CHRM3: variants seen among roughly 807,000 people sequenced by gnomAD.
The protein encoded by CHRM3 is cholinergic receptor muscarinic 3, also known as muscarinic acetylcholine receptor M3.
CHRM3 carries 11 observed loss-of-function variants against 41.8 expected under a neutral mutation model. The observed-to-expected ratio is 0.26, with a 90% CI of 0.17 to 0.44. The LOEUF is 0.44. Ranked by LOEUF, CHRM3 falls within the 20% of genes least tolerant of loss-of-function variation. The pLI is 1.00. For synonymous variants in CHRM3, 297 were observed against 301.4 expected, an observed-to-expected ratio of 0.99 and a Z score of 0.15; for missense variants, 571 against 745.4, an observed-to-expected ratio of 0.77 and a Z score of 2.72.
intron 2 of CHRM3, among the ~76,000 whole-genome samples, chr1:239,530,344 T>C (rs2148324719): frequency 6.6e-6 from 1 of 152,304 alleles, no homozygotes; most frequent in South Asian, 2.1e-4. Flanking sequence ...GAAACTAATA[T>C]GATATATTTT....
At chr1:239,803,937 A>C (rs921822133) in intron 5 of CHRM3, among the ~76,000 whole-genome samples, 4 of 152,218 alleles carry the variant, frequency 2.6e-5, no homozygotes, top group Non-Finnish European at 5.9e-5. Flanking sequence ...AGCCCTGGGT[A>C]TGAGAGCAGA....
intron 5 of CHRM3, among the ~76,000 whole-genome samples, chr1:239,694,541 G>C (rs2148020107): frequency 6.6e-6 from 1 of 152,308 alleles, no homozygotes; most frequent in South Asian, 2.1e-4. Context: ...CTTGCATCAT[G>C]GTGAATTAAT....
intron 1 of CHRM3, among the ~76,000 whole-genome samples, chr1:239,464,407 A>G (rs538900053): frequency 6.6e-6 from 1 of 151,096 alleles, no homozygotes; most frequent in Non-Finnish European, 1.5e-5. Context: ...TGGCTTTTCT[A>G]CCTCCTATGG....
intron 3 of CHRM3, among the ~76,000 whole-genome samples, chr1:239,579,165 C>T (rs1461663624): frequency 6.6e-6 from 1 of 152,088 alleles, no homozygotes; most frequent in Admixed American, 6.6e-5. Flanking sequence ...TTGTTAAATG[C>T]CTTCTTTGCC....
At chr1:239,504,854 C>G (rs1274923849) in intron 2 of CHRM3, among the ~76,000 whole-genome samples, 33 of 151,526 alleles carry the variant, frequency 2.2e-4, no homozygotes, top group Admixed American at 2.2e-3. Context: ...TATGTAGGAG[C>G]TAAGCTATGA....
chr1:239,867,103 T>A (rs1459630870), intron 6 of CHRM3, among the ~76,000 whole-genome samples: 2 of 152,206 alleles, frequency 1.3e-5, no homozygotes, highest in African/African-American at 4.8e-5. Context: ...ACAGCCATCT[T>A]CTTTAGGCCA....
At chr1:239,796,283 G>A (rs539714590) in intron 5 of CHRM3, among the ~76,000 whole-genome samples, 1 of 152,178 alleles carries the variant, frequency 6.6e-6, no homozygotes, top group African/African-American at 2.4e-5. Context: ...ATGATGAAGT[G>A]TAATGGAGGG....
At chr1:239,663,909 A>G (rs1343994117) in intron 4 of CHRM3, among the ~76,000 whole-genome samples, 1 of 152,192 alleles carries the variant, frequency 6.6e-6, no homozygotes, top group Non-Finnish European at 1.5e-5. Flanking sequence ...CAGTAGGATG[A>G]AATGTTGGTT....
In CHRM3 at chr1:239,402,423, G is replaced by A. The variant is rs527820408; in HGVS notation, c.-521+15196G>A. Among the ~76,000 whole-genome samples the A allele has an allele frequency of 8.4e-4, 128 of 152,244 alleles. 1 individual carries two copies. Among genetic ancestry groups the A allele is most frequent in the South Asian group, 2.5e-3 (12 of 4,820 alleles). ...ATCTCCCCCTTACAAGGCTCCAATAGCCTCTAACTTGTTCCCTGCTTTCAG... is the reference window on the plus strand; with the variant it reads ...ATCTCCCCCTTACAAGGCTCCAATAACCTCTAACTTGTTCCCTGCTTTCAG... On this transcript the variant is annotated intron_variant, in intron 1 of 6. Coordinates refer to ENST00000676153, the MANE Select transcript of CHRM3 (RefSeq NM_001375978.1).
intron 6 of CHRM3, among the ~76,000 whole-genome samples, chr1:239,869,453 A>G (rs1676391569): frequency 6.6e-6 from 1 of 152,160 alleles, no homozygotes; most frequent in South Asian, 2.1e-4. Flanking sequence ...AATTAGGTGG[A>G]CATTGAATTT....
intron 5 of CHRM3, among the ~76,000 whole-genome samples, chr1:239,730,906 A>G (rs192894481): frequency 2.1e-4 from 32 of 152,114 alleles, no homozygotes; most frequent in Non-Finnish European, 3.7e-4. Flanking sequence ...TGAACACTGT[A>G]CTAAAGCAGT....
chr1:239,561,695 A>G (rs999995441), intron 3 of CHRM3, among the ~76,000 whole-genome samples: 3 of 152,034 alleles, frequency 2.0e-5, no homozygotes, highest in Non-Finnish European at 4.4e-5. Context: ...AATAGATAAT[A>G]TTACTGATAA....
intron 5 of CHRM3, among the ~76,000 whole-genome samples, chr1:239,737,867 A>G (rs1664517225): frequency 6.6e-6 from 1 of 152,176 alleles, no homozygotes; most frequent in South Asian, 2.1e-4. Flanking sequence ...AAGCAAGCTG[A>G]TCTTTCAGAA....
chr1:239,655,442 G>A (rs1045797080), intron 4 of CHRM3, among the ~76,000 whole-genome samples: 3 of 152,156 alleles, frequency 2.0e-5, no homozygotes, highest in African/African-American at 7.2e-5. Flanking sequence ...TCAGATTTTT[G>A]CATCTGTCGA....
Position 239,913,154 on chromosome 1 carries a change from G to C in CHRM3, c.*3930G>C, listed in dbSNP as rs1224260628. 1 of 167,020 alleles carries C rather than the reference G, an allele frequency of 6.0e-6. No individual in the cohort carries two copies. Among genetic ancestry groups the C allele is most frequent in the Non-Finnish European group, 1.5e-5 (1 of 68,120 alleles). The allele number at this position is 167,020 out of a possible 1,614,324, so 10.3% of individuals were successfully genotyped here. ...TCAACACCACAAAATCTTGAAATTTGGAAGGTAACCAAGGAAGCTTTGAAA... is the reference window on the plus strand; with the variant it reads ...TCAACACCACAAAATCTTGAAATTTCGAAGGTAACCAAGGAAGCTTTGAAA... On this transcript the variant is annotated 3_prime_UTR_variant, in exon 7 of 7. Coordinates refer to ENST00000676153, the MANE Select transcript of CHRM3 (RefSeq NM_001375978.1).
intron 5 of CHRM3, among the ~76,000 whole-genome samples, chr1:239,745,744 T>C (rs906191213): frequency 3.0e-4 from 45 of 152,308 alleles, no homozygotes; most frequent in African/African-American, 1.0e-3. Flanking sequence ...TATCATATTA[T>C]GCTCTATCAA....
chr1:239,682,523 A>G (rs1658669143), intron 5 of CHRM3, among the ~76,000 whole-genome samples: 1 of 152,116 alleles, frequency 6.6e-6, no homozygotes, highest in Non-Finnish European at 1.5e-5. Flanking sequence ...TCTGAAATTA[A>G]CCTTGGATTA....
chr1:239,549,754 A>G lies in CHRM3; in HGVS notation c.-313+4005A>G, dbSNP rs189546619. ...ACTTAAATGAGAATCTCTAAAAACT[A>G]AAGCAGAATGACGCATTTCATTCAG... On this transcript the variant is annotated intron_variant, in intron 3 of 6. Coordinates refer to ENST00000676153, the MANE Select transcript of CHRM3 (RefSeq NM_001375978.1). Among the ~76,000 whole-genome samples, 3 of 152,016 alleles carry G rather than the reference A, an allele frequency of 2.0e-5. No homozygotes were observed. The East Asian group carries it at 5.8e-4, about 30-fold the overall frequency.
At chr1:239,683,777 C>T (rs959336611) in intron 5 of CHRM3, among the ~76,000 whole-genome samples, 3 of 152,058 alleles carry the variant, frequency 2.0e-5, no homozygotes, top group Admixed American at 2.0e-4. Context: ...TTCTAAGAAG[C>T]ATTTGGATCA....
Sources: allele counts gnomAD v4.1 joint callset (sites outside exome capture counted in the v4.1 genomes callset), GRCh38; gene constraint gnomAD v4.1.1; transcripts MANE v1.5; gene names NCBI Gene and HGNC (gene_info 2026-07-23, HGNC 2026-07-21).